PET100: variants seen among roughly 807,000 people sequenced by gnomAD.
The protein encoded by PET100 is protein PET100 homolog, mitochondrial.
PET100 carries 13 observed loss-of-function variants against 13.6 expected under a neutral mutation model. That is an observed-to-expected ratio of 0.96 (90% CI 0.62 to 1.52). The LOEUF (loss-of-function observed/expected upper bound fraction) is 1.52. Among genes scored for constraint, PET100 ranks in the 40% most tolerant of loss-of-function variants. The pLI is 0.00. For synonymous variants in PET100, 28 were observed against 30.8 expected (o/e 0.91, Z 0.30); for missense variants, 94 against 95.3 (o/e 0.99, Z 0.06).
chr19:7,630,434 T>TG, intron 1 of PET100, 139 bp from the exon 2 acceptor site: 3 of 678,596 alleles, frequency 4.4e-6, no homozygotes, highest in Non-Finnish European at 7.7e-6. Flanking sequence ...TCTGTACCCT[T>TG]GGTGGGAGTT....
At chr19:7,630,885 G>C (rs2031268122) in intron 3 of PET100, 39 bp downstream of exon 3, 1 of 1,537,056 alleles carries the variant, frequency 6.5e-7, no homozygotes, top group Non-Finnish European at 8.7e-7. Context: ...GATGGAGGAG[G>C]CTGGATTCTT....
chr19:7,630,441 A>C, intron 1 of PET100, 132 bp from the exon 2 acceptor site: 1 of 693,774 alleles, frequency 1.4e-6, no homozygotes, highest in Non-Finnish European at 2.5e-6. Context: ...CCTTGGTGGG[A>C]GTTCTGGGAT....
intron 1 of PET100, chr19:7,630,262 T>A (rs1423356944): frequency 1.1e-5 from 5 of 459,632 alleles, no homozygotes; most frequent in Non-Finnish European, 1.9e-5. Flanking sequence ...GCTCCCGGGA[T>A]CTTAAGTGGG....
In PET100 at chr19:7,631,477, A is replaced by G. The variant is rs749915614; in HGVS notation, c.143A>G (p.Gln48Arg). 5 of 1,535,346 alleles carry G rather than the reference A, an allele frequency of 3.3e-6. No homozygotes were observed. Among genetic ancestry groups the G allele is most frequent in the Non-Finnish European group, 3.5e-6 (4 of 1,146,390 alleles). ...KRELWPPEKL[Q>R]EIEEFKERLR... ...CACCCGCTTCTCCACCCCTAGCTTC[A>G]AGAGATAGAGGAATTCAAAGAGAGG... The change falls in exon 4 of 4, where the codon CAA becomes CGA. Residue 48 changes from glutamine (Q) to arginine (R), a missense_variant. Physicochemically the swap from Gln to Arg is conservative, Grantham distance 43. Coordinates refer to ENST00000594797, the MANE Select transcript of PET100 (RefSeq NM_001171155.2).
chr19:7,631,682 C>G lies in PET100; in HGVS notation c.*126C>G. On this transcript the variant is annotated 3_prime_UTR_variant, in exon 4 of 4. Coordinates refer to ENST00000594797, the MANE Select transcript of PET100 (RefSeq NM_001171155.2). ...GGGCCGAGTGAGACCCAGGATGCCT[C>G]AGGCCCTCAGGGGGCTTGTGTCGGG... 1.4e-6 allele frequency: 2 copies of G among 1,460,958 alleles called. No individual in the cohort carries two copies. Among genetic ancestry groups the G allele is most frequent in the Non-Finnish European group, 1.8e-6 (2 of 1,105,918 alleles). The allele number at this position is 1,460,958 out of a possible 1,614,324, so 90.5% of individuals were successfully genotyped here. A position where few individuals can be genotyped will look rare whatever the true frequency, so the allele number is the denominator to read the frequency against.
intron 3 of PET100, 194 bp from the exon 4 acceptor site, chr19:7,631,279 C>G: frequency 2.1e-6 from 3 of 1,412,146 alleles, no homozygotes; most frequent in South Asian, 1.6e-5. Context: ...TTCCTTATTG[C>G]CTTCTCCTGG....
chr19:7,631,449 T>C (rs1454493589), intron 3 of PET100, 24 bp from the exon 4 acceptor site: 1 of 1,525,596 alleles, frequency 6.6e-7, no homozygotes, highest in Admixed American at 2.0e-5. Context: ...CCCCTTCCTG[T>C]CCCACCCGCT....
chr19:7,630,048 T>G, intron 1 of PET100, 188 bp downstream of exon 1: 2 of 551,880 alleles, frequency 3.6e-6, no homozygotes, highest in East Asian at 4.6e-5. Context: ...TTCTCGGATT[T>G]GGGCTTCTGG....
chr19:7,631,778 T>C lies in PET100; in HGVS notation c.*222T>C, dbSNP rs370204523. The C allele has an allele frequency of 6.4e-6, 9 of 1,415,142 alleles. No homozygotes were observed. The highest frequency in any genetic ancestry group is 8.3e-6 in the Non-Finnish European group (9 of 1,080,188). The allele number at this position is 1,415,142 out of a possible 1,614,324, so 87.7% of individuals were successfully genotyped here. A position where few individuals can be genotyped will look rare whatever the true frequency, so the allele number is the denominator to read the frequency against. On this transcript the variant is annotated 3_prime_UTR_variant, in exon 4 of 4. Coordinates refer to ENST00000594797, the MANE Select transcript of PET100 (RefSeq NM_001171155.2). The stretch of plus-strand genomic sequence containing the variant: ...TGAGGGGTGAGCAGGGGTTGGGGAC[T>C]GAGGGTCCCAGCTCGTTTCTGTGCT...
chr19:7,631,403 G>A (rs1202530192), intron 3 of PET100, 70 bp from the exon 4 acceptor site: 22 of 1,091,156 alleles, frequency 2.0e-5, no homozygotes, highest in East Asian at 2.7e-5. Flanking sequence ...GGTGGGCGGG[G>A]GGGGGTGGTC....
chr19:7,631,447 T>G, intron 3 of PET100, 26 bp from the exon 4 acceptor site: 1 of 1,522,230 alleles, frequency 6.6e-7, no homozygotes, highest in Non-Finnish European at 8.8e-7. Flanking sequence ...CCCCCCTTCC[T>G]GTCCCACCCG....
Position 7,630,848 on chromosome 19 carries a change from T to G in PET100, c.138+2T>G, listed in dbSNP as rs1599377255. On this transcript the variant is annotated splice_donor_variant, in intron 3 of 3. Transcript: ENST00000594797. LOFTEE classifies it high-confidence loss of function. The stretch of plus-strand genomic sequence containing the variant: ...AGGGAGCTGTGGCCACCTGAGAAGG[T>G]AAGTGATCTCTTCTTCCTGCCAGAG... 6.5e-7 allele frequency: 1 copy of G among 1,537,212 alleles called. No homozygotes were observed. The highest frequency in any genetic ancestry group is 8.7e-7 in the Non-Finnish European group (1 of 1,146,902).
At chr19:7,631,399 C>CG (rs1203991530) in intron 3 of PET100, 74 bp from the exon 4 acceptor site, 11,962 of 576,248 alleles carry the variant, frequency 0.021, 74 homozygotes, top group African/African-American at 0.084. Context: ...GAGAGGTGGG[C>CG]GGGGGGGGGT....
At position 7,631,586 on chromosome 19, in the gene PET100, C is replaced by T; in HGVS notation, c.*30C>T. ...TCCAAGTGGGAGTCCTAGCCCCTCCCCTGATGAAATATACATATACTCAGT... is the reference window on the plus strand; with the variant it reads ...TCCAAGTGGGAGTCCTAGCCCCTCCTCTGATGAAATATACATATACTCAGT... On this transcript the variant is annotated 3_prime_UTR_variant, in exon 4 of 4. Transcript: ENST00000594797. 1.3e-6 allele frequency: 2 copies of T among 1,520,440 alleles called. No individual in the cohort carries two copies. The highest frequency in any genetic ancestry group is 8.8e-7 in the Non-Finnish European group (1 of 1,139,200). 94.2% of individuals were successfully genotyped at this position (1,520,440 alleles called of 1,614,324 possible). A position where few individuals can be genotyped will look rare whatever the true frequency, so the allele number is the denominator to read the frequency against.
intron 2 of PET100, 72 bp downstream of exon 2, chr19:7,630,731 G>T: frequency 6.5e-7 from 1 of 1,532,412 alleles, no homozygotes; most frequent in Middle Eastern, 1.7e-4. Flanking sequence ...GTCTGCTGGG[G>T]ACTAATGTCT....
At chr19:7,629,965 G>C in intron 1 of PET100, 105 bp downstream of exon 1, 9 of 1,319,488 alleles carry the variant, frequency 6.8e-6, no homozygotes, top group Non-Finnish European at 9.0e-6. Flanking sequence ...GAGCTCCAAG[G>C]AGAAAGCTCT....
Position 7,631,837 on chromosome 19 carries a change from G to A in PET100, c.*281G>A. ...TGGATGAAGAGGGGTCAGCCAGGGG[G>A]AGGGCTCAAGGGCAGTGCCGGCCAC... On this transcript the variant is annotated 3_prime_UTR_variant, in exon 4 of 4. Coordinates refer to ENST00000594797, the MANE Select transcript of PET100 (RefSeq NM_001171155.2). The A allele has an allele frequency of 7.2e-7, 1 of 1,383,996 alleles. No homozygotes were observed. Among genetic ancestry groups the A allele is most frequent in the Non-Finnish European group, 9.4e-7 (1 of 1,063,158 alleles). The allele number at this position is 1,383,996 out of a possible 1,614,324, so 85.7% of individuals were successfully genotyped here. A position where few individuals can be genotyped will look rare whatever the true frequency, so the allele number is the denominator to read the frequency against.
At chr19:7,629,974 C>T (rs985958274) in intron 1 of PET100, 114 bp downstream of exon 1, 37 of 1,280,258 alleles carry the variant, frequency 2.9e-5, no homozygotes, top group South Asian at 4.8e-5. Context: ...GGAGAAAGCT[C>T]TTAAGATTTG....
At chr19:7,630,967 G>A in intron 3 of PET100, 121 bp downstream of exon 3, 1 of 1,274,936 alleles carries the variant, frequency 7.8e-7, no homozygotes. Context: ...CCCAGGGCAT[G>A]GGAGGCTGAG....
Sources: allele counts gnomAD v4.1 joint callset, GRCh38; gene constraint gnomAD v4.1.1; transcripts MANE v1.5; gene names NCBI Gene and HGNC (gene_info 2026-07-23, HGNC 2026-07-21).